Variants in PARP8 observed in about 807,000 individuals in gnomAD.
The protein encoded by PARP8 is poly(ADP-ribose) polymerase family member 8.
A neutral mutation model predicts 124.1 loss-of-function variants in PARP8; 51 were observed. That is an observed-to-expected ratio of 0.41 (90% CI 0.33 to 0.52). The LOEUF (loss-of-function observed/expected upper bound fraction) is 0.52, where lower values mean the gene tolerates loss of function less well. PARP8 is among the 20% of genes least tolerant of loss of function. The pLI, the probability that PARP8 is intolerant of heterozygous loss-of-function variation, is 0.21. For missense variants in PARP8, 860 were observed against 1,018.9 expected (o/e 0.84, Z 2.12); for synonymous variants, 391 against 361.5 (o/e 1.08, Z -0.93).
rs1315662764 is a variant in PARP8, at chr5:50,774,808, G to C, written c.519-3261G>C. 6.5e-5 allele frequency among the ~76,000 whole-genome samples: 9 copies of C among 137,532 alleles called. No homozygotes were observed. In the Admixed American group the frequency reaches 6.6e-4, roughly 10 times the overall value. 90.2% of individuals were successfully genotyped at this position (137,532 alleles called of 152,430 possible). A position where few individuals can be genotyped will look rare whatever the true frequency, so the allele number is the denominator to read the frequency against. On this transcript the variant is annotated intron_variant, in intron 7 of 25. Transcript: ENST00000281631. ...GAGGCGCTCCTCACTTCCCAGACGA[G>C]GCGGCCGGGCAGAGGCGCTCCTCAC...
chr5:50,775,313 G>A (rs1050147535), intron 7 of PARP8, among the ~76,000 whole-genome samples: 1 of 152,190 alleles, frequency 6.6e-6, no homozygotes, highest in East Asian at 1.9e-4. Flanking sequence ...CCAGCACTTC[G>A]GGAGGCCGAG....
intron 14 of PARP8, among the ~76,000 whole-genome samples, chr5:50,809,142 T>G (rs1439371567): frequency 1.3e-5 from 2 of 152,064 alleles, no homozygotes; most frequent in Non-Finnish European, 2.9e-5. Flanking sequence ...TCCTGTATCT[T>G]ACTGTGGATC....
chr5:50,816,942 A>T (rs1427221021), intron 15 of PARP8, among the ~76,000 whole-genome samples: 1 of 152,172 alleles, frequency 6.6e-6, no homozygotes, highest in Non-Finnish European at 1.5e-5. Flanking sequence ...CTATGTAAAA[A>T]TAATTAAAAC....
chr5:50,669,417 T>A (rs1015257079), intron 2 of PARP8: 13 of 152,234 alleles, frequency 8.5e-5, no homozygotes, highest in Admixed American at 2.6e-4. Context: ...ATATACAAAG[T>A]GGCCCATTAA....
intron 14 of PARP8, among the ~76,000 whole-genome samples, chr5:50,804,493 G>A (rs1315668297): frequency 1.3e-5 from 2 of 152,192 alleles, no homozygotes; most frequent in African/African-American, 4.8e-5. Flanking sequence ...GTGTTTACCC[G>A]GAGATAACTT....
chr5:50,787,782 T>A (rs1741431731), intron 9 of PARP8, among the ~76,000 whole-genome samples: 1 of 151,584 alleles, frequency 6.6e-6, no homozygotes, highest in South Asian at 2.1e-4. Flanking sequence ...AATATATGTA[T>A]ATATGTATTT....
chr5:50,788,689 C>T, intron 10 of PARP8, 100 bp downstream of exon 10: 1 of 959,926 alleles, frequency 1.0e-6, no homozygotes, highest in Non-Finnish European at 1.6e-6. Flanking sequence ...TCAGTAAGAA[C>T]TTTTTGAAGC....
intron 2 of PARP8, among the ~76,000 whole-genome samples, chr5:50,711,000 T>C (rs760198972): frequency 1.4e-4 from 22 of 152,194 alleles, no homozygotes; most frequent in Non-Finnish European, 2.9e-4. Flanking sequence ...ATCAAATGTG[T>C]ATATTTGAAT....
rs540497449 is a variant in PARP8 at position 50,754,308 on chromosome 5, A to G, written c.184+4120A>G. Among the ~76,000 whole-genome samples the G allele has an allele frequency of 1.9e-3, 286 of 151,306 alleles. 2 individuals carry two copies. The highest frequency in any genetic ancestry group is 6.3e-3 in the African/African-American group (259 of 41,066). The stretch of plus-strand genomic sequence containing the variant: ...TTAACTCATCATTTACATTAGGTAT[A>G]TCTCCTAATGCTATCCCTCCCCCCA... On this transcript the variant is annotated intron_variant, in intron 3 of 25. Coordinates refer to ENST00000281631, the MANE Select transcript of PARP8 (RefSeq NM_024615.4).
At chr5:50,783,466 C>T (rs1296213842) in intron 9 of PARP8, among the ~76,000 whole-genome samples, 3 of 152,074 alleles carry the variant, frequency 2.0e-5, no homozygotes, top group Non-Finnish European at 4.4e-5. Context: ...TAAATGCTAT[C>T]GTGCTATAGA....
At chr5:50,681,910 G>GTTAGGTCTT (rs957164132) in intron 2 of PARP8, among the ~76,000 whole-genome samples, 1 of 152,110 alleles carries the variant, frequency 6.6e-6, no homozygotes, top group Admixed American at 6.5e-5. Context: ...AATCAAGCTT[G>GTTAGGTCTT]TTAGAATTGT....
intron 2 of PARP8, among the ~76,000 whole-genome samples, chr5:50,747,028 T>TA (rs1441472745): frequency 1.3e-5 from 2 of 151,966 alleles, no homozygotes; most frequent in Admixed American, 6.6e-5. Flanking sequence ...ACCTCATCTC[T>TA]AAAAAAAATT....
intron 2 of PARP8, among the ~76,000 whole-genome samples, chr5:50,702,217 A>G (rs775717209): frequency 6.6e-6 from 1 of 152,170 alleles, no homozygotes; most frequent in Admixed American, 6.5e-5. Context: ...CTAAGAAAGG[A>G]CAATAAATTA....
intron 2 of PARP8, among the ~76,000 whole-genome samples, chr5:50,713,660 A>G (rs1438198151): frequency 3.3e-5 from 5 of 152,084 alleles, no homozygotes. Flanking sequence ...TGAACATATT[A>G]CCTTATATGG....
intron 9 of PARP8, among the ~76,000 whole-genome samples, chr5:50,781,913 G>A (rs557624832): frequency 4.8e-4 from 73 of 152,012 alleles, no homozygotes; most frequent in Non-Finnish European, 8.5e-4. Context: ...ATCTACCCTC[G>A]TCTCACTTGT....
intron 3 of PARP8, among the ~76,000 whole-genome samples, chr5:50,755,820 A>C (rs1405305368): frequency 6.6e-6 from 1 of 152,132 alleles, no homozygotes; most frequent in Non-Finnish European, 1.5e-5. Flanking sequence ...TGAGCATGGA[A>C]TGTTCTTCCA....
intron 7 of PARP8, among the ~76,000 whole-genome samples, chr5:50,765,712 G>A (rs1312841231): frequency 6.6e-6 from 1 of 152,066 alleles, no homozygotes; most frequent in East Asian, 1.9e-4. Context: ...AGTCTTCATG[G>A]TACAAAGGTG....
chr5:50,801,241 A>G (rs1397940978), intron 14 of PARP8, among the ~76,000 whole-genome samples: 4 of 152,046 alleles, frequency 2.6e-5, no homozygotes, highest in Non-Finnish European at 5.9e-5. Flanking sequence ...CTGGGATTAC[A>G]GGCATGCACC....
At position 50,750,902 on chromosome 5, in the gene PARP8, A is replaced by G. The variant is rs963958127; in HGVS notation, c.184+714A>G. On this transcript the variant is annotated intron_variant, in intron 3 of 25. Transcript: ENST00000281631. ...GAGAAATTTTACTGGAAGAACCAAT[A>G]CAAGAAGTATTTATAAGAAAAATAC... is the stretch of plus-strand genomic sequence containing the variant. 1.3e-4 allele frequency among the ~76,000 whole-genome samples: 19 copies of G among 141,208 alleles called. 1 individual carries two copies. The Admixed American group carries it at 1.4e-3, about 10-fold the overall frequency. 92.6% of individuals were successfully genotyped at this position (141,208 alleles called of 152,430 possible). A position where few individuals can be genotyped will look rare whatever the true frequency, so the allele number is the denominator to read the frequency against.
Sources: allele counts gnomAD v4.1 joint callset (sites outside exome capture counted in the v4.1 genomes callset), GRCh38; gene constraint gnomAD v4.1.1; transcripts MANE v1.5; gene names NCBI Gene and HGNC (gene_info 2026-07-23, HGNC 2026-07-21).